NBPF12: variants seen among roughly 807,000 people sequenced by gnomAD.
The protein encoded by NBPF12 is NBPF member 12.
A neutral mutation model predicts 146.4 loss-of-function variants in NBPF12; 115 were observed. That is an observed-to-expected ratio of 0.79 (90% CI 0.68 to 0.92). NBPF12 has a LOEUF of 0.92. NBPF12 is among the 40% of genes least tolerant of loss of function. The pLI is 0.00. For missense variants in NBPF12, 1,205 were observed against 1,326.8 expected (o/e 0.91, Z 1.43); for synonymous variants, 385 against 508.9 (o/e 0.76, Z 3.28).
upstream of NBPF12, among the ~76,000 whole-genome samples, chr1:146,946,180 A>G (rs1247581397): frequency 6.7e-6 from 1 of 149,876 alleles, no homozygotes; most frequent in Non-Finnish European, 1.5e-5. Context: ...TTGTTTATTC[A>G]TTCACTTGGT....
chr1:146,952,995 G>T (rs1427522170), intron 2 of NBPF12, among the ~76,000 whole-genome samples: 1 of 150,898 alleles, frequency 6.6e-6, no homozygotes, highest in Non-Finnish European at 1.5e-5. Context: ...CCTCACCAAG[G>T]CATTAAGAAA....
exon 34 of NBPF12, chr1:146,994,557 A>C (rs782596043): frequency 2.2e-5 from 36 of 1,609,064 alleles, no homozygotes; most frequent in South Asian, 1.3e-4. Flanking sequence ...TCCAGATGGG[A>C]GTCATATTCC....
intron 31 of NBPF12, among the ~76,000 whole-genome samples, chr1:146,992,494 G>GTT (rs1658257784): frequency 8.3e-6 from 1 of 120,820 alleles, no homozygotes; most frequent in East Asian, 3.0e-4. Flanking sequence ...GTGTGTGTGT[G>GTT]TGTGTGTGTG....
chr1:146,994,438 C>T lies in NBPF12; in HGVS notation c.4237C>T (p.Gln1413Ter), dbSNP rs1553890064. ...GTACTTTGAACTACCTGACTCATTC[C>T]AGCACTACAGAAGTGTGTTTTACTC... Residue 1413 changes from glutamine (Q) to a stop codon, truncating the protein, a stop_gained, in exon 34 of 34, where the codon CAG (glutamine) becomes TAG (stop). Transcript: ENST00000617844. LOFTEE classifies it high-confidence loss of function. The T allele has an allele frequency of 6.2e-7, 1 of 1,611,916 alleles. No homozygotes were observed. The highest frequency in any genetic ancestry group is 1.1e-5 in the South Asian group (1 of 90,996).
chr1:146,976,733 G>A (rs1385357792), intron 16 of NBPF12, among the ~76,000 whole-genome samples, 196 bp from the exon 20 acceptor site: 243 of 151,338 alleles, frequency 1.6e-3, no homozygotes, highest in Non-Finnish European at 2.7e-3. Context: ...CTTGATGGTG[G>A]CCCTCCAGAT....
At chr1:146,945,880 A>G (rs1221622018), upstream of NBPF12, among the ~76,000 whole-genome samples, 22 of 152,082 alleles carry the variant, frequency 1.4e-4, 1 homozygote, top group South Asian at 4.6e-3. Context: ...GTAATGTCCT[A>G]AATCCTCAAT....
At chr1:146,956,005 A>G (rs1405839072) in intron 2 of NBPF12, among the ~76,000 whole-genome samples, 1 of 150,292 alleles carries the variant, frequency 6.7e-6, no homozygotes, top group Non-Finnish European at 1.5e-5. Context: ...TCCTCTTAAT[A>G]TTTAATTGAA....
chr1:146,965,375 C>T lies in NBPF12; in HGVS notation c.778+271C>T, dbSNP rs1202136376. Among the ~76,000 whole-genome samples the T allele has an allele frequency of 5.3e-5, 8 of 151,404 alleles. 1 individual carries two copies. The highest frequency in any genetic ancestry group is 1.7e-4 in the African/African-American group (7 of 40,930). ...ATTAGGCAGTCATGGTGCTGCGTGC[C>T]TATAGTCCCAACTGCTCAGGAGACT... On this transcript the variant is annotated intron_variant, in intron 8 of 33. Transcript: ENST00000617844.
chr1:146,951,768 T>C, intron 2 of NBPF12: 1 of 297,312 alleles, frequency 3.4e-6, no homozygotes, highest in Non-Finnish European at 6.3e-6. Context: ...TGATACAATT[T>C]ATAATATGCA....
At chr1:146,958,090 A>ATAAT (rs1454346976) in intron 2 of NBPF12, among the ~76,000 whole-genome samples, 6,403 of 119,666 alleles carry the variant, frequency 0.054, 1,037 homozygotes, top group African/African-American at 0.17. Flanking sequence ...TGCACCCATT[A>ATAAT]ACTCGTCATT....
exon 34 of NBPF12, chr1:146,994,677 G>T: frequency 6.4e-7 from 1 of 1,550,888 alleles, no homozygotes; most frequent in South Asian, 1.2e-5. Flanking sequence ...CCCAGACATA[G>T]GATGGGTCAG....
intron 2 of NBPF12, among the ~76,000 whole-genome samples, chr1:146,955,869 C>G (rs1444659887): frequency 1.3e-5 from 2 of 151,424 alleles, no homozygotes; most frequent in Non-Finnish European, 2.9e-5. Context: ...TACTAAATGG[C>G]TCCTGTTAAG....
At chr1:146,977,329 C>G (rs1406558873) in intron 17 of NBPF12, 137 bp from the exon 21 acceptor site, 5 of 1,097,538 alleles carry the variant, frequency 4.6e-6, no homozygotes, top group African/African-American at 3.2e-5. Flanking sequence ...ATTGCATGTT[C>G]CCTCTTAATG....
At chr1:146,955,013 T>TACACAC (rs1228510348) in intron 2 of NBPF12, among the ~76,000 whole-genome samples, 5 of 67,462 alleles carry the variant, frequency 7.4e-5, no homozygotes, top group East Asian at 4.7e-4. Context: ...TATATATATA[T>TACACAC]ACACACACAC....
chr1:146,996,027 C>T (rs369971126), exon 34 of NBPF12: 19 of 146,750 alleles, frequency 1.3e-4, no homozygotes, highest in African/African-American at 3.9e-4. Context: ...AAAACATTCT[C>T]TGCCTGAGTT....
intron 19 of NBPF12, among the ~76,000 whole-genome samples, chr1:146,981,496 T>G (rs1336545330): frequency 1.3e-5 from 2 of 151,500 alleles, no homozygotes; most frequent in African/African-American, 4.9e-5. Flanking sequence ...ATTTTTTCCT[T>G]CATTTCAACC....
intron 12 of NBPF12, 58 bp downstream of exon 15, chr1:146,970,777 G>A (rs1469508061): frequency 1.6e-6 from 2 of 1,254,490 alleles, no homozygotes; most frequent in Non-Finnish European, 1.2e-6. Context: ...ATGTCTAGGA[G>A]GCATGCCCTC....
In NBPF12 at chr1:146,952,311, AG is replaced by A. The variant is rs1343893671; in HGVS notation, c.-184+825del. On this transcript the variant is annotated intron_variant, in intron 2 of 33. Coordinates refer to ENST00000617844, the Ensembl canonical transcript of NBPF12. ...AGTGGCTGGTGCTGCCCCTGACTCTAGGGCCGTGTGGTCTGTGGTTCTCTGT... is the reference window on the plus strand; with the variant it reads ...AGTGGCTGGTGCTGCCCCTGACTCTAGGCCGTGTGGTCTGTGGTTCTCTGT... 8.5e-5 allele frequency among the ~76,000 whole-genome samples: 13 copies of A among 152,194 alleles called. No individual in the cohort carries two copies. In the Middle Eastern group the frequency reaches 0.01, roughly 119 times the overall value.
exon 34 of NBPF12, chr1:146,994,454 T>A: frequency 2.5e-6 from 4 of 1,609,526 alleles, no homozygotes; most frequent in Non-Finnish European, 3.4e-6. Context: ...TACAGAAGTG[T>A]GTTTTACTCA....
Sources: allele counts gnomAD v4.1 joint callset (sites outside exome capture counted in the v4.1 genomes callset), GRCh38; gene constraint gnomAD v4.1.1; transcripts MANE v1.5; gene names NCBI Gene and HGNC (gene_info 2026-07-23, HGNC 2026-07-21).